The following ITFG1 variants were observed in gnomAD, a reference collection of about 807,000 sequenced individuals.
ITFG1 encodes integrin alpha FG-GAP repeat containing 1.
A neutral mutation model predicts 81.8 loss-of-function variants in ITFG1; 34 were observed. The ratio of observed to expected loss-of-function variants is 0.42; its 90% CI spans 0.32 to 0.55. The LOEUF is 0.55. Among genes scored for constraint, ITFG1 ranks in the 20% least tolerant of loss-of-function variants. ITFG1 has a pLI of 0.17. For missense variants in ITFG1, 672 were observed against 755.4 expected (o/e 0.89, Z 1.29); for synonymous variants, 285 against 270.6 (o/e 1.05, Z -0.52).
intron 8 of ITFG1, among the ~76,000 whole-genome samples, chr16:47,356,430 T>C (rs1968040896): frequency 6.6e-6 from 1 of 152,142 alleles, no homozygotes; most frequent in Admixed American, 6.5e-5. Flanking sequence ...GATGTGATGA[T>C]AGGCAGGGGC....
intron 5 of ITFG1, among the ~76,000 whole-genome samples, chr16:47,431,023 A>G (rs1164010847): frequency 2.0e-5 from 3 of 152,254 alleles, no homozygotes; most frequent in Non-Finnish European, 2.9e-5. Flanking sequence ...TACAATACAG[A>G]CTAGTACAAA....
intron 13 of ITFG1, among the ~76,000 whole-genome samples, chr16:47,226,018 T>C (rs1965752886): frequency 6.6e-6 from 1 of 152,228 alleles, no homozygotes; most frequent in South Asian, 2.1e-4. Flanking sequence ...AACCATCTTG[T>C]TGGTCTCATA....
At chr16:47,281,964 C>A (rs1380746436) in intron 10 of ITFG1, among the ~76,000 whole-genome samples, 1 of 151,938 alleles carries the variant, frequency 6.6e-6, no homozygotes, top group Non-Finnish European at 1.5e-5. Flanking sequence ...ATAGTATATA[C>A]TGTACTCATT....
At chr16:47,357,150 T>A (rs1968050181) in intron 8 of ITFG1, among the ~76,000 whole-genome samples, 1 of 152,150 alleles carries the variant, frequency 6.6e-6, no homozygotes, top group Non-Finnish European at 1.5e-5. Context: ...GTGACAAATA[T>A]TCCAATTAAT....
At chr16:47,281,637 A>G (rs1396114113) in intron 10 of ITFG1, among the ~76,000 whole-genome samples, 2 of 152,166 alleles carry the variant, frequency 1.3e-5, no homozygotes, top group Non-Finnish European at 2.9e-5. Flanking sequence ...TGTTAAATTA[A>G]GTCAAAGTTG....
At chr16:47,273,416 C>G (rs908821278) in intron 10 of ITFG1, among the ~76,000 whole-genome samples, 1 of 152,186 alleles carries the variant, frequency 6.6e-6, no homozygotes, top group African/African-American at 2.4e-5. Context: ...GAATGCTTAG[C>G]TAAGCTGATA....
chr16:47,354,248 T>C (rs1469262506), intron 8 of ITFG1, among the ~76,000 whole-genome samples: 2 of 152,046 alleles, frequency 1.3e-5, no homozygotes, highest in Non-Finnish European at 2.9e-5. Flanking sequence ...TATAAATCCA[T>C]GCATCTACAG....
intron 8 of ITFG1, among the ~76,000 whole-genome samples, chr16:47,334,075 T>G (rs1273350276): frequency 6.6e-6 from 1 of 152,246 alleles, no homozygotes; most frequent in East Asian, 1.9e-4. Context: ...CATGTTCTAT[T>G]TTATTAATCA....
chr16:47,221,550 T>G (rs1159963775), intron 13 of ITFG1, among the ~76,000 whole-genome samples: 1 of 152,208 alleles, frequency 6.6e-6, no homozygotes, highest in African/African-American at 2.4e-5. Context: ...TTCTCTTTTT[T>G]GCTTGTGTCT....
intron 10 of ITFG1, among the ~76,000 whole-genome samples, chr16:47,292,458 G>A (rs1381714106): frequency 6.6e-6 from 1 of 152,220 alleles, no homozygotes; most frequent in Non-Finnish European, 1.5e-5. Flanking sequence ...TGGGAATAGT[G>A]TGGTGATTTT....
intron 10 of ITFG1, among the ~76,000 whole-genome samples, chr16:47,273,688 A>G (rs185596622): frequency 6.6e-6 from 1 of 152,368 alleles, no homozygotes; most frequent in African/African-American, 2.4e-5. Context: ...CTAATGGAAT[A>G]TAACACTGTG....
chr16:47,275,247 T>G (rs1966385394), intron 10 of ITFG1, among the ~76,000 whole-genome samples: 1 of 152,144 alleles, frequency 6.6e-6, no homozygotes, highest in African/African-American at 2.4e-5. Flanking sequence ...AATAATATAT[T>G]TTCTTTGGAT....
intron 10 of ITFG1, among the ~76,000 whole-genome samples, chr16:47,270,478 T>C (rs1966326626): frequency 6.6e-6 from 1 of 152,020 alleles, no homozygotes; most frequent in South Asian, 2.1e-4. Flanking sequence ...TTGGAGAAAA[T>C]GTGGAGAAAC....
At chr16:47,448,479 G>T (rs1179603130) in intron 5 of ITFG1, 2 of 152,036 alleles carry the variant, frequency 1.3e-5, no homozygotes, top group African/African-American at 2.4e-5. Context: ...ATTTTCATGC[G>T]ATCACTTGTG....
intron 8 of ITFG1, among the ~76,000 whole-genome samples, chr16:47,318,576 A>T (rs1251108023): frequency 2.0e-5 from 3 of 152,158 alleles, no homozygotes; most frequent in African/African-American, 7.2e-5. Flanking sequence ...AATAGTTCTC[A>T]AACTTTTAAA....
At chr16:47,365,548 A>G in intron 8 of ITFG1, 1 of 393,976 alleles carries the variant, frequency 2.5e-6, no homozygotes, top group Non-Finnish European at 4.5e-6. Context: ...TGTTTTGCAT[A>G]TTACTTCTGC....
At chr16:47,433,792 T>TATATATATATATATACAC (rs1491145615) in intron 5 of ITFG1, among the ~76,000 whole-genome samples, 7 of 135,636 alleles carry the variant, frequency 5.2e-5, no homozygotes, top group African/African-American at 2.0e-4. Flanking sequence ...TATATATATA[T>TATATATATATATATACAC]ACACACACAC....
At chr16:47,342,468 C>T (rs1455601010) in intron 8 of ITFG1, among the ~76,000 whole-genome samples, 1 of 152,088 alleles carries the variant, frequency 6.6e-6, no homozygotes, top group African/African-American at 2.4e-5. Context: ...ACTTTAAGCA[C>T]TGCTATTCAA....
intron 10 of ITFG1, among the ~76,000 whole-genome samples, chr16:47,281,834 T>C (rs1015887437): frequency 1.2e-4 from 19 of 152,094 alleles, no homozygotes; most frequent in African/African-American, 4.3e-4. Flanking sequence ...AGCTTTTGAT[T>C]TGCCTTTGTT....
Sources: gnomAD v4.1 joint callset for allele counts (sites outside exome capture counted in the v4.1 genomes callset) on GRCh38, gnomAD v4.1.1 for gene constraint, MANE v1.5 for transcripts, NCBI Gene and HGNC (gene_info 2026-07-23, HGNC 2026-07-21) for gene names.